The following PTPRK variants were observed in gnomAD, a reference collection of about 807,000 sequenced individuals.
The protein encoded by PTPRK is receptor-type tyrosine-protein phosphatase kappa.
In PTPRK, 75 loss-of-function variants were observed where a neutral mutation model predicts 178.0. The observed-to-expected ratio is 0.42, with a 90% CI of 0.35 to 0.51. PTPRK has a LOEUF of 0.51. Ranked by LOEUF, PTPRK falls within the 20% of genes least tolerant of loss-of-function variation. The pLI is 0.02. For synonymous variants in PTPRK, 637 were observed against 620.6 expected (o/e 1.03, Z -0.39); for missense variants, 1,441 against 1,797.8 (o/e 0.80, Z 3.59).
intron 18 of PTPRK, 154 bp downstream of exon 18, chr6:127,995,308 A>C: frequency 1.2e-6 from 2 of 1,602,638 alleles, no homozygotes; most frequent in Non-Finnish European, 1.7e-6. Context: ...AAAGCACAAC[A>C]ATGTCAGTAA....
intron 13 of PTPRK, among the ~76,000 whole-genome samples, chr6:128,048,423 C>T (rs1778438560): frequency 6.6e-6 from 1 of 152,154 alleles, no homozygotes; most frequent in Non-Finnish European, 1.5e-5. Flanking sequence ...CAAGGTTCCG[C>T]ATATGTTCCC....
chr6:128,145,431 A>G (rs982469189), intron 7 of PTPRK, among the ~76,000 whole-genome samples: 1 of 152,154 alleles, frequency 6.6e-6, no homozygotes, highest in African/African-American at 2.4e-5. Flanking sequence ...TTACATGTCA[A>G]TCTTGCTTCA....
intron 6 of PTPRK, among the ~76,000 whole-genome samples, chr6:128,213,113 T>A (rs1808537767): frequency 6.6e-6 from 1 of 152,066 alleles, no homozygotes; most frequent in Non-Finnish European, 1.5e-5. Flanking sequence ...AAATGTATGT[T>A]TAATGGACTA....
At chr6:128,004,502 T>C (rs1583601538) in intron 15 of PTPRK, among the ~76,000 whole-genome samples, 1 of 151,822 alleles carries the variant, frequency 6.6e-6, no homozygotes, top group Admixed American at 6.6e-5. Flanking sequence ...GATGGATGAA[T>C]TTCACTATGC....
At chr6:128,310,657 C>T (rs1330821144) in intron 3 of PTPRK, among the ~76,000 whole-genome samples, 2 of 152,180 alleles carry the variant, frequency 1.3e-5, no homozygotes, top group East Asian at 3.8e-4. Flanking sequence ...CAAAAAGGAA[C>T]TCTCAACATG....
In PTPRK at chr6:128,221,614, G is replaced by A. The variant is rs17350133; in HGVS notation, c.694-2518C>T. ...TACCTTTCTCCATATCTTAAATCAT[G>A]CATATGCATATTATGTAGTAAATAC... On this transcript the variant is annotated intron_variant, in intron 5 of 29. Coordinates refer to ENST00000368226, the MANE Select transcript of PTPRK (RefSeq NM_002844.4). Among the ~76,000 whole-genome samples the A allele has an allele frequency of 9.6e-3, 1,451 of 151,652 alleles. 11 individuals are homozygous for A. Among genetic ancestry groups the A allele is most frequent in the Middle Eastern group, 0.021 (6 of 290 alleles).
At chr6:128,226,478 T>C (rs1811309726) in intron 5 of PTPRK, among the ~76,000 whole-genome samples, 1 of 152,024 alleles carries the variant, frequency 6.6e-6, no homozygotes, top group African/African-American at 2.4e-5. Flanking sequence ...ATCCATAATC[T>C]AGTAAATAAG....
At chr6:128,401,648 C>T (rs1841032723) in intron 1 of PTPRK, among the ~76,000 whole-genome samples, 1 of 152,122 alleles carries the variant, frequency 6.6e-6, no homozygotes, top group South Asian at 2.1e-4. Context: ...TCCATGGCAC[C>T]TCTAGATTCT....
intron 13 of PTPRK, among the ~76,000 whole-genome samples, chr6:128,058,152 A>G (rs1780217378): frequency 6.6e-6 from 1 of 152,138 alleles, no homozygotes. Flanking sequence ...TTTTGGGTGT[A>G]TTAACATACA....
At chr6:128,511,783 T>A (rs540273143) in intron 1 of PTPRK, among the ~76,000 whole-genome samples, 34 of 152,328 alleles carry the variant, frequency 2.2e-4, no homozygotes, top group Admixed American at 2.2e-3. Context: ...ACTCTACCAG[T>A]GACTCATATA....
chr6:128,298,151 G>A (rs60098660), intron 3 of PTPRK, among the ~76,000 whole-genome samples: 7,908 of 152,012 alleles, frequency 0.052, 675 homozygotes, highest in African/African-American at 0.18. Flanking sequence ...TAAATTCCTT[G>A]ACACACACTC....
At chr6:128,138,261 C>G (rs1310439404) in intron 7 of PTPRK, among the ~76,000 whole-genome samples, 1 of 152,082 alleles carries the variant, frequency 6.6e-6, no homozygotes, top group Non-Finnish European at 1.5e-5. Flanking sequence ...GTAGAGATGG[C>G]TTTCTGGCCA....
chr6:128,460,565 C>T (rs1848930967), intron 1 of PTPRK, among the ~76,000 whole-genome samples: 1 of 151,966 alleles, frequency 6.6e-6, no homozygotes, highest in Non-Finnish European at 1.5e-5. Flanking sequence ...GAAAGAATGC[C>T]CTTTTCCTTC....
At chr6:128,179,070 C>A (rs1801524222) in intron 7 of PTPRK, among the ~76,000 whole-genome samples, 1 of 151,960 alleles carries the variant, frequency 6.6e-6, no homozygotes, top group Non-Finnish European at 1.5e-5. Context: ...CAGTGATCCA[C>A]CTGAACCCAT....
chr6:128,108,889 C>T (rs1252656152), intron 7 of PTPRK, among the ~76,000 whole-genome samples: 1 of 152,126 alleles, frequency 6.6e-6, no homozygotes, highest in African/African-American at 2.4e-5. Context: ...TAGTTCACAT[C>T]TCTTTCTCTG....
chr6:128,300,435 C>T lies in PTPRK; in HGVS notation c.495+21604G>A, dbSNP rs565843362. ...GACACATACACACGTATGTTTATTGCGGCATTATTCACAATAGCAAAGACT... is the reference window on the plus strand; with the variant it reads ...GACACATACACACGTATGTTTATTGTGGCATTATTCACAATAGCAAAGACT... On this transcript the variant is annotated intron_variant, in intron 3 of 29. Transcript: ENST00000368226. Among the ~76,000 whole-genome samples the T allele has an allele frequency of 1.2e-3, 175 of 151,906 alleles. 1 individual carries two copies. Among genetic ancestry groups the T allele is most frequent in the African/African-American group, 3.8e-3 (159 of 41,348 alleles).
At chr6:128,492,816 C>G (rs1854023010) in intron 1 of PTPRK, among the ~76,000 whole-genome samples, 1 of 152,174 alleles carries the variant, frequency 6.6e-6, no homozygotes, top group Non-Finnish European at 1.5e-5. Context: ...AAACCCTTGC[C>G]TTCCAAAAAC....
At chr6:128,236,670 T>C (rs1583623456) in intron 5 of PTPRK, among the ~76,000 whole-genome samples, 1 of 152,262 alleles carries the variant, frequency 6.6e-6, no homozygotes, top group East Asian at 1.9e-4. Context: ...AGTGCATAAA[T>C]GTACCGCATA....
At chr6:128,090,176 A>C (rs1786676802) in intron 7 of PTPRK, among the ~76,000 whole-genome samples, 184 bp from the exon 8 acceptor site, 1 of 152,220 alleles carries the variant, frequency 6.6e-6, no homozygotes, top group Non-Finnish European at 1.5e-5. Context: ...ACTAAGATTT[A>C]ACAACAGGAA....
Sources: gnomAD v4.1 joint callset for allele counts (sites outside exome capture counted in the v4.1 genomes callset) on GRCh38, gnomAD v4.1.1 for gene constraint, MANE v1.5 for transcripts, NCBI Gene and HGNC (gene_info 2026-07-23, HGNC 2026-07-21) for gene names.